Variants in NTRK2 observed in about 807,000 individuals in gnomAD.
NTRK2 encodes neurotrophic receptor tyrosine kinase 2.
NTRK2 carries 13 observed loss-of-function variants against 94.5 expected under a neutral mutation model. The ratio of observed to expected loss-of-function variants is 0.14; its 90% CI spans 0.09 to 0.22. The LOEUF is 0.22. Ranked by LOEUF, NTRK2 falls within the 10% of genes least tolerant of loss-of-function variation. The pLI is 1.00. For synonymous variants in NTRK2, 372 were observed against 407.4 expected, an observed-to-expected ratio of 0.91 and a Z score of 1.05; for missense variants, 639 against 1,071.2, an observed-to-expected ratio of 0.60 and a Z score of 5.63.
At chr9:84,853,293 A>G (rs943687119) in intron 12 of NTRK2, among the ~76,000 whole-genome samples, 8 of 152,188 alleles carry the variant, frequency 5.3e-5, no homozygotes, top group African/African-American at 1.7e-4. Flanking sequence ...AACAGAGTCC[A>G]TGAAGGGGGA....
intron 6 of NTRK2, among the ~76,000 whole-genome samples, chr9:84,721,821 T>C (rs2062086362): frequency 6.6e-6 from 1 of 152,182 alleles, no homozygotes; most frequent in South Asian, 2.1e-4. Flanking sequence ...TTTCGTAATT[T>C]TTATAGAATT....
chr9:84,914,800 A>C (rs2077346102), intron 14 of NTRK2, among the ~76,000 whole-genome samples: 1 of 152,232 alleles, frequency 6.6e-6, no homozygotes. Flanking sequence ...CATACGAAGC[A>C]AAAAGAAAAT....
At chr9:84,797,626 A>G (rs1350798846) in intron 12 of NTRK2, among the ~76,000 whole-genome samples, 1 of 61,472 alleles carries the variant, frequency 1.6e-5, no homozygotes, top group African/African-American at 6.5e-5. Context: ...TATACTATAT[A>G]TTATATATTA....
chr9:84,827,327 G>A (rs572450110), intron 12 of NTRK2, among the ~76,000 whole-genome samples: 1 of 152,318 alleles, frequency 6.6e-6, no homozygotes, highest in South Asian at 2.1e-4. Flanking sequence ...ATTCAACCAT[G>A]CATTTAACCC....
intron 12 of NTRK2, among the ~76,000 whole-genome samples, chr9:84,829,195 C>T (rs1047514546): frequency 1.6e-4 from 24 of 152,122 alleles, no homozygotes; most frequent in Admixed American, 1.0e-3. Context: ...GATGGGGTTT[C>T]GCCATATTGT....
At chr9:84,853,931 T>G (rs1224326875) in intron 12 of NTRK2, among the ~76,000 whole-genome samples, 1 of 151,904 alleles carries the variant, frequency 6.6e-6, no homozygotes, top group Non-Finnish European at 1.5e-5. Flanking sequence ...AATACAAAAA[T>G]TAGCCAGGTG....
chr9:84,776,918 A>G (rs2067103338), intron 12 of NTRK2, among the ~76,000 whole-genome samples: 1 of 152,234 alleles, frequency 6.6e-6, no homozygotes, highest in South Asian at 2.1e-4. Flanking sequence ...TCCAAAACAA[A>G]GGGCAGTCAG....
chr9:84,670,653 G>A lies in NTRK2; in HGVS notation c.-96G>A, dbSNP rs896495807. On this transcript the variant is annotated 5_prime_UTR_variant, in exon 2 of 19. Transcript: ENST00000277120. ...CGCAACAAGCACCGAGGAGTTAAGA[G>A]AGCCGCAAGCGCAGGGAAGGCCTCC... 3.0e-5 allele frequency: 38 copies of A among 1,246,456 alleles called. No individual in the cohort carries two copies. The highest frequency in any genetic ancestry group is 4.4e-5 in the Non-Finnish European group (38 of 859,540). 77.2% of individuals were successfully genotyped at this position (1,246,456 alleles called of 1,614,324 possible).
At chr9:84,997,924 T>C (rs1044258657) in intron 17 of NTRK2, among the ~76,000 whole-genome samples, 1 of 152,086 alleles carries the variant, frequency 6.6e-6, no homozygotes, top group African/African-American at 2.4e-5. Flanking sequence ...AGACCATTGG[T>C]CATTTTGCTA....
intron 12 of NTRK2, among the ~76,000 whole-genome samples, chr9:84,843,905 A>G (rs2074323208): frequency 6.6e-6 from 1 of 152,212 alleles, no homozygotes; most frequent in African/African-American, 2.4e-5. Context: ...GCATCCTGAA[A>G]GAGCTGATTT....
intron 14 of NTRK2, among the ~76,000 whole-genome samples, chr9:84,926,668 G>A (rs1326660476): frequency 6.6e-6 from 1 of 151,954 alleles, no homozygotes; most frequent in Non-Finnish European, 1.5e-5. Flanking sequence ...CCTCTTAAGT[G>A]TTCTCTTTCT....
intron 17 of NTRK2, among the ~76,000 whole-genome samples, chr9:84,991,797 G>T (rs1450411042): frequency 6.6e-6 from 1 of 152,126 alleles, no homozygotes; most frequent in Non-Finnish European, 1.5e-5. Context: ...TCTCACACGA[G>T]GAACAGCCAG....
intron 14 of NTRK2, among the ~76,000 whole-genome samples, chr9:84,925,662 C>A (rs2077737864): frequency 6.6e-6 from 1 of 152,168 alleles, no homozygotes; most frequent in Admixed American, 6.5e-5. Flanking sequence ...GAGCTGCGGA[C>A]TTTTGACAGG....
intron 2 of NTRK2, among the ~76,000 whole-genome samples, chr9:84,692,129 A>G (rs891523876): frequency 3.1e-4 from 47 of 152,064 alleles, no homozygotes; most frequent in Non-Finnish European, 4.3e-4. Context: ...CTGTTCAGTT[A>G]TTGTCTTCCC....
At chr9:84,847,986 T>A (rs1013995782) in intron 12 of NTRK2, among the ~76,000 whole-genome samples, 1 of 152,116 alleles carries the variant, frequency 6.6e-6, no homozygotes, top group African/African-American at 2.4e-5. Flanking sequence ...GTTAGTTGGG[T>A]TCCTGGTGAG....
chr9:84,944,285 C>T (rs751587285), intron 15 of NTRK2, among the ~76,000 whole-genome samples: 220 of 134,760 alleles, frequency 1.6e-3, no homozygotes, highest in African/African-American at 5.3e-3. Context: ...TTTTTTGAGA[C>T]GGAGTCTCGC....
intron 12 of NTRK2, among the ~76,000 whole-genome samples, chr9:84,830,384 G>GA (rs1381380867): frequency 1.3e-5 from 2 of 152,184 alleles, no homozygotes; most frequent in African/African-American, 4.8e-5. Context: ...CCACTGGTTA[G>GA]AAGTGTGATA....
At chr9:84,697,402 G>A (rs1402264133) in intron 2 of NTRK2, among the ~76,000 whole-genome samples, 2 of 152,166 alleles carry the variant, frequency 1.3e-5, no homozygotes, top group Non-Finnish European at 1.5e-5. Flanking sequence ...TCTCCTGGTT[G>A]GGGTGTGTGC....
intron 12 of NTRK2, among the ~76,000 whole-genome samples, chr9:84,831,736 AAAG>A (rs1228545109): frequency 6.6e-6 from 1 of 152,252 alleles, no homozygotes; most frequent in Non-Finnish European, 1.5e-5. Context: ...TTGTAAGAGA[AAAG>A]AAGAGACTTC....
Sources: allele counts gnomAD v4.1 joint callset (sites outside exome capture counted in the v4.1 genomes callset), GRCh38; gene constraint gnomAD v4.1.1; transcripts MANE v1.5; gene names NCBI Gene and HGNC (gene_info 2026-07-23, HGNC 2026-07-21).